USO1: variants seen among roughly 807,000 people sequenced by gnomAD.
The protein encoded by USO1 is USO1 vesicle transport factor.
A neutral mutation model predicts 124.5 loss-of-function variants in USO1; 57 were observed. The ratio of observed to expected loss-of-function variants is 0.46; its 90% CI spans 0.37 to 0.57. The LOEUF (loss-of-function observed/expected upper bound fraction) is 0.57, where lower values mean the gene tolerates loss of function less well. Ranked by LOEUF, USO1 falls within the 20% of genes least tolerant of loss-of-function variation. The pLI is 0.00. For synonymous variants in USO1, 369 were observed against 362.8 expected (o/e 1.02, Z -0.19); for missense variants, 900 against 1,040.6 (o/e 0.86, Z 1.86).
intron 1 of USO1, among the ~76,000 whole-genome samples, chr4:75,740,129 T>G (rs1368774340): frequency 6.6e-6 from 1 of 152,116 alleles, no homozygotes; most frequent in East Asian, 1.9e-4. Flanking sequence ...AGCTCATTAG[T>G]TCAAGATCAG....
At chr4:75,781,165 G>A (rs555439616) in intron 8 of USO1, among the ~76,000 whole-genome samples, 1 of 152,196 alleles carries the variant, frequency 6.6e-6, no homozygotes, top group East Asian at 1.9e-4. Context: ...AACCCTCATG[G>A]ATGACTTGGA....
chr4:75,778,193 A>G (rs2149172678), intron 8 of USO1, among the ~76,000 whole-genome samples: 1 of 152,324 alleles, frequency 6.6e-6, no homozygotes, highest in East Asian at 1.9e-4. Flanking sequence ...TGGCTCCCCC[A>G]AAACTTAACC....
intron 17 of USO1, 40 bp downstream of exon 17, chr4:75,801,240 T>A (rs574864172): frequency 4.0e-6 from 6 of 1,502,908 alleles, no homozygotes; most frequent in Non-Finnish European, 5.3e-6. Context: ...TGATTACCAA[T>A]AGGCACTTTC....
In USO1 at chr4:75,800,657, A is replaced by C. The variant is rs35109091; in HGVS notation, c.1722A>C (p.Lys574Asn). Reference protein sequence around the residue: ...LKQLIEKRIGKENFIEKLGFI... With the variant: ...LKQLIEKRIGNENFIEKLGFI... The stretch of plus-strand genomic sequence containing the variant: ...AACTGATTGAGAAGAGGATTGGCAA[A>C]GAGAATTTCATAGAGAAACTAGGAT... Residue 574 changes from lysine to asparagine, a missense_variant, in exon 16 of 24, where the codon AAA becomes AAC. Physicochemically the swap from Lys to Asn is moderately conservative, Grantham distance 94 (BLOSUM62 0). Transcript: ENST00000514213. 1,432 of 1,590,504 alleles carry C rather than the reference A, an allele frequency of 9.0e-4. 1 individual carries two copies. The highest frequency in any genetic ancestry group is 1.2e-3 in the Non-Finnish European group (1,358 of 1,172,124).
At chr4:75,777,310 A>C (rs1029799667) in intron 8 of USO1, among the ~76,000 whole-genome samples, 1 of 152,168 alleles carries the variant, frequency 6.6e-6, no homozygotes, top group Non-Finnish European at 1.5e-5. Flanking sequence ...TGCAATACCA[A>C]AAGTGTGATC....
chr4:75,785,377 T>C (rs922810801), intron 9 of USO1, among the ~76,000 whole-genome samples: 9 of 152,114 alleles, frequency 5.9e-5, no homozygotes, highest in Non-Finnish European at 1.2e-4. Context: ...AATTATAGTT[T>C]TATGGCTAGT....
chr4:75,755,609 A>C lies in USO1; in HGVS notation c.219-1888A>C, dbSNP rs1577939192. 6.7e-6 allele frequency: 3 copies of C among 446,262 alleles called. No homozygotes were observed. The East Asian group carries it at 1.7e-4, about 25-fold the overall frequency. 27.6% of individuals were successfully genotyped at this position (446,262 alleles called of 1,614,324 possible). On this transcript the variant is annotated intron_variant, in intron 3 of 23. Transcript: ENST00000514213. Reference sequence around the variant, plus strand: ...TTAGGACCTTTTTTCTTCTCCCCAGACAGTGTAACTCAAATTGACTACCTT... The same window carrying C: ...TTAGGACCTTTTTTCTTCTCCCCAGCCAGTGTAACTCAAATTGACTACCTT...
chr4:75,751,234 C>T (rs1182688381), intron 1 of USO1, among the ~76,000 whole-genome samples: 6 of 150,004 alleles, frequency 4.0e-5, no homozygotes, highest in South Asian at 2.1e-4. Flanking sequence ...TTATTTGAAA[C>T]GGAACCTCAC....
chr4:75,767,398 A>G, intron 4 of USO1: 1 of 416,780 alleles, frequency 2.4e-6, no homozygotes, highest in Non-Finnish European at 4.7e-6. Context: ...TAAATAAACA[A>G]TTTGATGACT....
At chr4:75,776,348 TA>T (rs1329171373) in intron 8 of USO1, among the ~76,000 whole-genome samples, 1 of 152,148 alleles carries the variant, frequency 6.6e-6, no homozygotes, top group Non-Finnish European at 1.5e-5. Context: ...ATAATTGGGT[TA>T]TAGGGTGTTT....
At chr4:75,743,422 T>C (rs1162396447) in intron 1 of USO1, among the ~76,000 whole-genome samples, 2 of 152,190 alleles carry the variant, frequency 1.3e-5, no homozygotes, top group African/African-American at 4.8e-5. Flanking sequence ...GTATCCAAAA[T>C]TGTGTTTCTC....
At chr4:75,796,649 A>G (rs903982400) in intron 13 of USO1, among the ~76,000 whole-genome samples, 14 of 151,710 alleles carry the variant, frequency 9.2e-5, no homozygotes, top group African/African-American at 3.4e-4. Context: ...GCAGCTTCAA[A>G]TATTTTGTTT....
intron 9 of USO1, 21 bp downstream of exon 9, chr4:75,782,879 A>G: frequency 6.5e-7 from 1 of 1,542,294 alleles, no homozygotes; most frequent in Non-Finnish European, 8.6e-7. Flanking sequence ...CTTAGACATA[A>G]ATGTGGTAAG....
At chr4:75,769,513 G>T (rs1467670401) in intron 4 of USO1, among the ~76,000 whole-genome samples, 1 of 152,042 alleles carries the variant, frequency 6.6e-6, no homozygotes, top group East Asian at 1.9e-4. Flanking sequence ...ATTTTCTGAG[G>T]GATAATGGGT....
chr4:75,766,481 G>A (rs191780252), intron 4 of USO1, among the ~76,000 whole-genome samples: 5 of 152,330 alleles, frequency 3.3e-5, no homozygotes, highest in Admixed American at 6.5e-5. Context: ...AAGTAAGAGA[G>A]TGCTACTGCG....
intron 10 of USO1, 128 bp downstream of exon 10, chr4:75,787,330 T>C (rs1426878713): frequency 8.3e-7 from 1 of 1,210,700 alleles, no homozygotes; most frequent in Non-Finnish European, 1.1e-6. Context: ...TTTAATGATC[T>C]TACTAAAATA....
chr4:75,736,472 T>A (rs915942576), intron 1 of USO1, among the ~76,000 whole-genome samples: 3 of 151,954 alleles, frequency 2.0e-5, no homozygotes, highest in Admixed American at 6.6e-5. Flanking sequence ...CTGGCTAATT[T>A]TTGTATTTTC....
chr4:75,764,797 A>G (rs749155693), intron 4 of USO1, among the ~76,000 whole-genome samples: 2 of 152,188 alleles, frequency 1.3e-5, no homozygotes, highest in African/African-American at 4.8e-5. Flanking sequence ...AGTTGCCACT[A>G]TTATAAATTG....
chr4:75,750,654 T>G (rs1355124654), intron 1 of USO1, among the ~76,000 whole-genome samples: 2 of 151,806 alleles, frequency 1.3e-5, no homozygotes, highest in African/African-American at 2.4e-5. Context: ...CCAGCTAATT[T>G]TTGTATTTTT....
Sources: allele counts gnomAD v4.1 joint callset (sites outside exome capture counted in the v4.1 genomes callset), GRCh38; gene constraint gnomAD v4.1.1; transcripts MANE v1.5; gene names NCBI Gene and HGNC (gene_info 2026-07-23, HGNC 2026-07-21).